TUB: variants seen among roughly 807,000 people sequenced by gnomAD.
The protein encoded by TUB is TUB bipartite transcription factor.
A neutral mutation model predicts 59.7 loss-of-function variants in TUB; 33 were observed. That is an observed-to-expected ratio of 0.55 (90% CI 0.42 to 0.74). The LOEUF (loss-of-function observed/expected upper bound fraction) is 0.74, where lower values mean the gene tolerates loss of function less well. TUB is among the 30% of genes least tolerant of loss of function. The pLI is 0.00. For missense variants in TUB, 659 were observed against 672.0 expected (o/e 0.98, Z 0.21); for synonymous variants, 293 against 256.4 (o/e 1.14, Z -1.36).
intron 1 of TUB, among the ~76,000 whole-genome samples, chr11:8,030,177 A>T (rs1942550538): frequency 6.6e-6 from 1 of 152,166 alleles, no homozygotes; most frequent in South Asian, 2.1e-4. Context: ...ATCATCAGGC[A>T]CTGTGGTTTT....
At chr11:8,066,262 G>A (rs571041446) in intron 2 of TUB, among the ~76,000 whole-genome samples, 24 of 152,344 alleles carry the variant, frequency 1.6e-4, no homozygotes, top group African/African-American at 5.8e-4. Flanking sequence ...TTGGCACACA[G>A]CATGACAGCC....
At chr11:8,031,838 G>A (rs1942576400) in intron 1 of TUB, among the ~76,000 whole-genome samples, 1 of 152,200 alleles carries the variant, frequency 6.6e-6, no homozygotes, top group African/African-American at 2.4e-5. Flanking sequence ...GGCAGGGGTC[G>A]ATTCCAGTCT....
At chr11:8,041,889 T>TCCAGCGAGCCC (rs1942757309) in intron 2 of TUB, among the ~76,000 whole-genome samples, 1 of 152,174 alleles carries the variant, frequency 6.6e-6, no homozygotes, top group Non-Finnish European at 1.5e-5. Context: ...GCCCGCAGCC[T>TCCAGCGAGCCC]CCAGCGAGCC....
upstream of TUB, among the ~76,000 whole-genome samples, chr11:8,034,155 A>T (rs984183940): frequency 6.6e-6 from 1 of 152,124 alleles, no homozygotes; most frequent in Non-Finnish European, 1.5e-5. Context: ...TGGCTATCCA[A>T]GGGTCCCAGA....
chr11:8,046,790 G>A (rs1216341333), intron 2 of TUB, among the ~76,000 whole-genome samples: 3 of 152,110 alleles, frequency 2.0e-5, no homozygotes, highest in Admixed American at 6.6e-5. Context: ...CCCACTTAAT[G>A]TATTTCAGTG....
At chr11:8,079,646 C>CCGTGTGTGTGTG (rs1234440571), upstream of TUB, among the ~76,000 whole-genome samples, 11 of 148,906 alleles carry the variant, frequency 7.4e-5, no homozygotes, top group African/African-American at 2.7e-4. Flanking sequence ...GAGAGAGAGG[C>CCGTGTGTGTGTG]CATGTGTGTG....
intron 1 of TUB, among the ~76,000 whole-genome samples, chr11:8,020,379 C>T (rs904212416): frequency 6.6e-6 from 1 of 152,146 alleles, no homozygotes; most frequent in South Asian, 2.1e-4. Context: ...CCTGCATCTT[C>T]GACAGCCCTT....
intron 2 of TUB, among the ~76,000 whole-genome samples, chr11:8,044,114 G>A (rs1484548845): frequency 6.6e-6 from 1 of 151,786 alleles, no homozygotes; most frequent in African/African-American, 2.4e-5. Flanking sequence ...TGGATATATG[G>A]GTATATGGTG....
At chr11:8,058,548 T>C (rs1020243512) in intron 2 of TUB, among the ~76,000 whole-genome samples, 1 of 152,236 alleles carries the variant, frequency 6.6e-6, no homozygotes, top group African/African-American at 2.4e-5. Context: ...CTAATGCAGA[T>C]TACATTTTAA....
chr11:8,072,157 C>T (rs533576116), intron 2 of TUB, among the ~76,000 whole-genome samples: 6 of 152,272 alleles, frequency 3.9e-5, no homozygotes, highest in African/African-American at 1.2e-4. Flanking sequence ...ATGCAAAGGA[C>T]GCAGAGGGGG....
At chr11:8,030,874 C>G (rs980004277) in intron 1 of TUB, among the ~76,000 whole-genome samples, 1 of 152,198 alleles carries the variant, frequency 6.6e-6, no homozygotes, top group Non-Finnish European at 1.5e-5. Context: ...TCCATGCCCC[C>G]TTAGACACTG....
In TUB at chr11:8,081,505, A is replaced by G. The variant is rs1943562107; in HGVS notation, c.-6A>G. On this transcript the variant is annotated 5_prime_UTR_variant, in exon 1 of 12. Transcript: ENST00000299506. ...AGCCGCAGCCACCGCCCCGCCCCCG[A>G]GAGACATGACTTCCAAGCCGCATTC... is the stretch of plus-strand genomic sequence containing the variant. 1 of 1,535,764 alleles carries G rather than the reference A, an allele frequency of 6.5e-7. No homozygotes were observed. Among genetic ancestry groups the G allele is most frequent in the Non-Finnish European group, 8.7e-7 (1 of 1,147,980 alleles).
chr11:8,019,378 G>T, intron 1 of TUB: 1 of 1,241,410 alleles, frequency 8.1e-7, no homozygotes, highest in Non-Finnish European at 1.0e-6. Context: ...CCGAAGGGTG[G>T]CCCTGCGTGA....
chr11:8,098,057 G>A (rs1437261188), intron 8 of TUB, among the ~76,000 whole-genome samples: 1 of 152,140 alleles, frequency 6.6e-6, no homozygotes, highest in African/African-American at 2.4e-5. Context: ...GGAGGTGGGT[G>A]CAGGCCCACC....
At chr11:8,063,651 C>T (rs1278028094) in intron 2 of TUB, among the ~76,000 whole-genome samples, 1 of 152,170 alleles carries the variant, frequency 6.6e-6, no homozygotes, top group Non-Finnish European at 1.5e-5. Context: ...TTATAAATAT[C>T]ATGGCTATGA....
At chr11:8,101,385 C>A (rs73409635) in intron 11 of TUB, 101 bp from the exon 12 acceptor site, 92,510 of 1,449,784 alleles carry the variant, frequency 0.064, 3,275 homozygotes, top group Middle Eastern at 0.086. Context: ...CTGCTTCTCA[C>A]TTGTTCTTCC....
intron 4 of TUB, among the ~76,000 whole-genome samples, chr11:8,094,460 C>G (rs1040315744): frequency 6.6e-6 from 1 of 152,220 alleles, no homozygotes; most frequent in African/African-American, 2.4e-5. Flanking sequence ...TCCCCCACCT[C>G]AGCTACCTTG....
chr11:8,022,466 G>A (rs914586037), intron 1 of TUB, among the ~76,000 whole-genome samples: 1 of 152,136 alleles, frequency 6.6e-6, no homozygotes, highest in Non-Finnish European at 1.5e-5. Flanking sequence ...TTTCCTTCAA[G>A]TCCTCACCCA....
At chr11:8,089,819 C>T (rs777119125) in intron 2 of TUB, among the ~76,000 whole-genome samples, 158 bp downstream of exon 2, 1 of 152,254 alleles carries the variant, frequency 6.6e-6, no homozygotes, top group Non-Finnish European at 1.5e-5. Flanking sequence ...CAGCTCAGCA[C>T]TAACCCTGCC....
Sources: gnomAD v4.1 joint callset for allele counts (sites outside exome capture counted in the v4.1 genomes callset) on GRCh38, gnomAD v4.1.1 for gene constraint, MANE v1.5 for transcripts, NCBI Gene and HGNC (gene_info 2026-07-23, HGNC 2026-07-21) for gene names.